Variants in SPATA17 observed in about 807,000 individuals in gnomAD.
SPATA17 encodes the protein spermatogenesis-associated protein 17.
A neutral mutation model predicts 62.2 loss-of-function variants in SPATA17; 53 were observed. The observed-to-expected ratio is 0.85, with a 90% CI of 0.68 to 1.07. The LOEUF (loss-of-function observed/expected upper bound fraction) is 1.07. Ranked by LOEUF, SPATA17 falls within the 50% of genes least tolerant of loss-of-function variation. The pLI is 0.00. For missense variants in SPATA17, 466 were observed against 425.5 expected (o/e 1.10, Z -0.84); for synonymous variants, 146 against 146.8 (o/e 0.99, Z 0.04).
intron 8 of SPATA17, among the ~76,000 whole-genome samples, chr1:217,788,291 C>A (rs1471401903): frequency 6.6e-6 from 1 of 152,122 alleles, no homozygotes; most frequent in Non-Finnish European, 1.5e-5. Context: ...ATCCAAAATA[C>A]AATAGGTTTA....
intron 5 of SPATA17, among the ~76,000 whole-genome samples, chr1:217,685,088 G>A (rs1224967840): frequency 1.5e-5 from 2 of 129,300 alleles, no homozygotes; most frequent in African/African-American, 6.2e-5. Flanking sequence ...TTGTCAGGAG[G>A]AAGAGCTAGT....
Position 217,775,835 on chromosome 1 carries a change from T to C in SPATA17, c.723+1298T>C, listed in dbSNP as rs565495261. Among the ~76,000 whole-genome samples the C allele has an allele frequency of 2.6e-5, 4 of 152,242 alleles. No individual in the cohort carries two copies. The East Asian group carries it at 5.8e-4, about 22-fold the overall frequency. The stretch of plus-strand genomic sequence containing the variant: ...ATAAACATAAAGTAATTTACAAATA[T>C]ATACCAAAGAAGTGAACAAACACTT... On this transcript the variant is annotated intron_variant, in intron 7 of 10. Coordinates refer to ENST00000366933, the MANE Select transcript of SPATA17 (RefSeq NM_138796.4).
chr1:217,792,329 G>C (rs112247299), intron 8 of SPATA17, among the ~76,000 whole-genome samples: 3,406 of 152,206 alleles, frequency 0.022, 131 homozygotes, highest in African/African-American at 0.077. Context: ...GTGTTTAAAA[G>C]ATATATTGAG....
chr1:217,803,459 A>C (rs1214052380), intron 9 of SPATA17, among the ~76,000 whole-genome samples: 1 of 152,206 alleles, frequency 6.6e-6, no homozygotes, highest in Non-Finnish European at 1.5e-5. Flanking sequence ...ATTTCCATAT[A>C]CTAACAACGA....
At chr1:217,688,719 G>A (rs568194383) in intron 5 of SPATA17, among the ~76,000 whole-genome samples, 3 of 152,044 alleles carry the variant, frequency 2.0e-5, no homozygotes, top group Non-Finnish European at 4.4e-5. Flanking sequence ...GATAGAGTTG[G>A]GGCACTCCTC....
intron 9 of SPATA17, among the ~76,000 whole-genome samples, chr1:217,831,157 G>A (rs1363761044): frequency 6.6e-6 from 1 of 152,002 alleles, no homozygotes; most frequent in African/African-American, 2.4e-5. Flanking sequence ...AAGAAGAAAT[G>A]GATTCTAAAG....
chr1:217,650,318 C>CATGATGTTGGCTTGGAT (rs1388351745), intron 2 of SPATA17, among the ~76,000 whole-genome samples: 15 of 152,132 alleles, frequency 9.9e-5, no homozygotes, highest in Admixed American at 8.5e-4. Context: ...AGCAGACTAA[C>CATGATGTTGGCTTGGAT]ATGATGTTGG....
At chr1:217,696,963 C>T (rs558249936) in intron 5 of SPATA17, among the ~76,000 whole-genome samples, 1 of 152,286 alleles carries the variant, frequency 6.6e-6, no homozygotes, top group African/African-American at 2.4e-5. Flanking sequence ...GGTTACCTGA[C>T]TTTGAAATTT....
At chr1:217,832,337 T>C (rs910048989) in intron 9 of SPATA17, among the ~76,000 whole-genome samples, 1 of 152,148 alleles carries the variant, frequency 6.6e-6, no homozygotes, top group Admixed American at 6.6e-5. Context: ...ATATTAGATA[T>C]GTTCACAACT....
At chr1:217,790,698 G>C (rs1191242439) in intron 8 of SPATA17, among the ~76,000 whole-genome samples, 1 of 152,186 alleles carries the variant, frequency 6.6e-6, no homozygotes, top group African/African-American at 2.4e-5. Context: ...AAAGTGCTGG[G>C]ATTACAGGCG....
At position 217,741,936 on chromosome 1, in the gene SPATA17, A is replaced by G. The variant is rs759626441; in HGVS notation, c.396-39A>G. 36 of 1,611,702 alleles carry G rather than the reference A, an allele frequency of 2.2e-5. No individual in the cohort carries two copies. The Admixed American group carries it at 6.1e-4, about 27-fold the overall frequency. ...TCAGTGAAAGAATTAAAATGTTAACACATAGTATCATAAATAACTGCAGAT... is the reference window on the plus strand; with the variant it reads ...TCAGTGAAAGAATTAAAATGTTAACGCATAGTATCATAAATAACTGCAGAT... On this transcript the variant is annotated intron_variant, in intron 5 of 10. Coordinates refer to ENST00000366933, the MANE Select transcript of SPATA17 (RefSeq NM_138796.4).
chr1:217,849,797 T>C (rs1675606300), intron 9 of SPATA17, among the ~76,000 whole-genome samples: 1 of 151,794 alleles, frequency 6.6e-6, no homozygotes, highest in African/African-American at 2.4e-5. Context: ...GCTTGGAGAG[T>C]GTTTTATATG....
intron 5 of SPATA17, among the ~76,000 whole-genome samples, chr1:217,683,573 G>T (rs375074720): frequency 6.6e-6 from 1 of 152,056 alleles, no homozygotes; most frequent in Non-Finnish European, 1.5e-5. Flanking sequence ...CGAGTAGGTG[G>T]GATAACAGGC....
At chr1:217,659,206 A>G in intron 3 of SPATA17, among the ~76,000 whole-genome samples, 1 of 152,006 alleles carries the variant, frequency 6.6e-6, no homozygotes, top group South Asian at 2.1e-4. Context: ...ACACACACAC[A>G]CACACACACA....
rs1676087562 is a variant in SPATA17, at chr1:217,869,534, T to C, written c.*2515T>C. 6.6e-6 allele frequency: 1 copy of C among 152,202 alleles called. No homozygotes were observed. The highest frequency in any genetic ancestry group is 1.5e-5 in the Non-Finnish European group (1 of 68,034). The allele number at this position is 152,202 out of a possible 1,614,324, so 9.4% of individuals were successfully genotyped here. A position where few individuals can be genotyped will look rare whatever the true frequency, so the allele number is the denominator to read the frequency against. On this transcript the variant is annotated 3_prime_UTR_variant, in exon 11 of 11. Transcript: ENST00000366933. The stretch of plus-strand genomic sequence containing the variant: ...CATAAGAGATAGCTTCGCAGGGCCA[T>C]TGCAAAATATGTCAAAAATATATAT...
At chr1:217,631,487 A>T in intron 1 of SPATA17, 41 bp downstream of exon 1, 1 of 1,600,620 alleles carries the variant, frequency 6.2e-7, no homozygotes, top group Admixed American at 1.7e-5. Flanking sequence ...GGCGGGCGTG[A>T]CTTTATACCA....
chr1:217,641,732 T>TA lies in SPATA17; in HGVS notation c.69-7150_69-7149insA, dbSNP rs1670067669. 2.0e-5 allele frequency among the ~76,000 whole-genome samples: 3 copies of TA among 152,166 alleles called. No individual in the cohort carries two copies. In the South Asian group the frequency reaches 6.2e-4, roughly 32 times the overall value. On this transcript the variant is annotated intron_variant, in intron 1 of 10. Transcript: ENST00000366933. ...AATCATATGAGAGTAAGTTGCAACC[T>TA]GATGTCCCATTGTGCCCCAAATTCT...
chr1:217,683,736 G>A (rs925936425), intron 5 of SPATA17, among the ~76,000 whole-genome samples: 10 of 151,838 alleles, frequency 6.6e-5, no homozygotes, highest in East Asian at 5.8e-4. Context: ...CACTGCACCC[G>A]GCTAAAAATA....
At chr1:217,764,536 T>G (rs1263897967) in intron 6 of SPATA17, among the ~76,000 whole-genome samples, 2 of 152,198 alleles carry the variant, frequency 1.3e-5, no homozygotes, top group African/African-American at 4.8e-5. Context: ...AACATTTTTG[T>G]GCAGGTGTTT....
Sources: gnomAD v4.1 joint callset for allele counts (sites outside exome capture counted in the v4.1 genomes callset) on GRCh38, gnomAD v4.1.1 for gene constraint, MANE v1.5 for transcripts, NCBI Gene and HGNC (gene_info 2026-07-23, HGNC 2026-07-21) for gene names.